The following COMMD5 variants were observed in gnomAD, a reference collection of about 807,000 sequenced individuals.
COMMD5 encodes COMM domain containing 5.
COMMD5 carries 10 observed loss-of-function variants against 6.9 expected under a neutral mutation model. The observed-to-expected ratio is 1.44, with a 90% CI of 0.89 to 2.45. The LOEUF (loss-of-function observed/expected upper bound fraction) is 2.45, where lower values mean the gene tolerates loss of function less well. Ranked by LOEUF, COMMD5 falls within the 30% of genes most tolerant of loss-of-function variation. The pLI, the probability that COMMD5 is intolerant of heterozygous loss-of-function variation, is 0.00. For synonymous variants in COMMD5, 127 were observed against 125.3 expected (o/e 1.01, Z -0.09); for missense variants, 234 against 287.8 (o/e 0.81, Z 1.35).
chr8:144,841,592 C>T lies in COMMD5; in HGVS notation c.*268G>A, dbSNP rs758056602. On this transcript the variant is annotated 3_prime_UTR_variant and NMD_transcript_variant, in exon 2 of 2. Coordinates refer to the COMMD5 transcript ENST00000530332. ...AATGAGGAGACTGTGGTTCCCAAGA[C>T]CTTCACCAAGGACGCACCCCAGGGA... 2.5e-6 allele frequency: 4 copies of T among 1,614,072 alleles called. No individual in the cohort carries two copies. In the African/African-American group the frequency reaches 5.3e-5, roughly 22 times the overall value.
At chr8:144,849,719 G>A (rs1332874851), downstream of COMMD5, among the ~76,000 whole-genome samples, 2 of 152,120 alleles carry the variant, frequency 1.3e-5, no homozygotes, top group African/African-American at 2.4e-5. Context: ...CTGCCCTAGA[G>A]GCACCCGGGA....
chr8:144,842,577 C>A (rs756244783), intron 1 of COMMD5: 1 of 1,614,132 alleles, frequency 6.2e-7, no homozygotes, highest in South Asian at 1.1e-5. Flanking sequence ...ATCAGCGAAT[C>A]CACACTGGAG....
At chr8:144,843,392 A>G (rs778629290) in intron 1 of COMMD5, 5 of 457,366 alleles carry the variant, frequency 1.1e-5, no homozygotes, top group South Asian at 4.2e-5. Flanking sequence ...GGTTGAGACC[A>G]TCCTGGGTAA....
chr8:144,846,340 T>C, downstream of COMMD5: 1 of 670,124 alleles, frequency 1.5e-6, no homozygotes, highest in Non-Finnish European at 2.4e-6. Context: ...CGTAGCTTTT[T>C]ACATTTCTGA....
chr8:144,844,307 C>T lies in COMMD5; in HGVS notation c.*117-2564G>A, dbSNP rs189364548. 7.9e-5 allele frequency among the ~76,000 whole-genome samples: 12 copies of T among 152,342 alleles called. No individual in the cohort carries two copies. The East Asian group carries it at 1.7e-3, about 22-fold the overall frequency. ...TCCATGCCAGCATCTCCAGCACACC[C>T]GTGTGCGCACAGGCCCTGAGGCTGA... On this transcript the variant is annotated intron_variant and NMD_transcript_variant, in intron 1 of 1. Coordinates refer to the COMMD5 transcript ENST00000530332.
chr8:144,841,864 G>C (rs1298256486), intron 1 of COMMD5: 1 of 1,614,112 alleles, frequency 6.2e-7, no homozygotes, highest in Non-Finnish European at 8.5e-7. Flanking sequence ...GTACGAATGT[G>C]CAGAGTGTGG....
At chr8:144,852,797 G>T (rs566700434) in intron 1 of COMMD5, 42 bp downstream of exon 1, 1 of 152,434 alleles carries the variant, frequency 6.6e-6, no homozygotes, top group South Asian at 2.1e-4. Context: ...AGTCAAATTG[G>T]CACTCGGCCG....
chr8:144,851,661 G>A (rs960424099), intron 1 of COMMD5, among the ~76,000 whole-genome samples: 1 of 151,930 alleles, frequency 6.6e-6, no homozygotes, highest in African/African-American at 2.4e-5. Context: ...GGAGGACCAG[G>A]AAACAGCACA....
At chr8:144,838,218 G>A (rs1427493431), downstream of COMMD5, 7 of 692,296 alleles carry the variant, frequency 1.0e-5, 1 homozygote, top group Admixed American at 1.4e-4. Context: ...TGTTCATGTG[G>A]CCATCTCCTT....
At chr8:144,841,210 C>T in exon 2 of COMMD5, 3 of 785,928 alleles carry the variant, frequency 3.8e-6, no homozygotes, top group East Asian at 2.5e-5. Context: ...AAAGGCTCTG[C>T]CTTCTCTTGC....
chr8:144,842,252 G>A, intron 1 of COMMD5: 1 of 1,614,084 alleles, frequency 6.2e-7, no homozygotes, highest in Non-Finnish European at 8.5e-7. Context: ...CAGCATCAAA[G>A]GATGCATACT....
At chr8:144,841,726 G>A in exon 2 of COMMD5, 1 of 1,614,128 alleles carries the variant, frequency 6.2e-7, no homozygotes, top group South Asian at 1.1e-5. Context: ...AGGCATCAGA[G>A]CCACTTCAGA....
chr8:144,843,458 GGCA>G (rs1830258423), intron 1 of COMMD5: 1 of 242,116 alleles, frequency 4.1e-6, no homozygotes, highest in Non-Finnish European at 7.9e-6. Context: ...CGTGGTGGCA[GGCA>G]CCTGTGGTCC....
chr8:144,838,087 T>C, downstream of COMMD5: 2 of 703,028 alleles, frequency 2.8e-6, no homozygotes, highest in Non-Finnish European at 2.6e-6. Context: ...GGAAGGATCC[T>C]GTCCTGCCTC....
At chr8:144,844,737 C>CAAAA (rs1830412636) in intron 1 of COMMD5, among the ~76,000 whole-genome samples, 1 of 93,658 alleles carries the variant, frequency 1.1e-5, no homozygotes, top group African/African-American at 4.3e-5. Context: ...AAAAAAAAAA[C>CAAAA]GAAAATGGGA....
At chr8:144,844,709 C>CAAAAAAAAAAAAAAA (rs71320849) in intron 1 of COMMD5, among the ~76,000 whole-genome samples, 2 of 88,614 alleles carry the variant, frequency 2.3e-5, no homozygotes, top group African/African-American at 8.4e-5. Context: ...GACTCTGTAT[C>CAAAAAAAAAAAAAAA]AAAAAAAAAA....
At chr8:144,845,501 C>G (rs1830462984), downstream of COMMD5, among the ~76,000 whole-genome samples, 1 of 152,142 alleles carries the variant, frequency 6.6e-6, no homozygotes, top group Non-Finnish European at 1.5e-5. Context: ...GTGGCTTGCT[C>G]AAGGCCTGAT....
rs917113257 is a variant in COMMD5, at chr8:144,852,843, G to A, written c.-62C>T. ...CACGGTTCGGGGCCAACCTACCGGCGGGCGCTCCTCCGCGGAAAAGCCCCG... is the reference window on the plus strand; with the variant it reads ...CACGGTTCGGGGCCAACCTACCGGCAGGCGCTCCTCCGCGGAAAAGCCCCG... On this transcript the variant is annotated 5_prime_UTR_variant, in exon 1 of 2. Transcript: ENST00000305103. 1.3e-5 allele frequency: 2 copies of A among 152,270 alleles called. No homozygotes were observed. The highest frequency in any genetic ancestry group is 2.9e-5 in the Non-Finnish European group (2 of 68,068). 9.4% of individuals were successfully genotyped at this position (152,270 alleles called of 1,614,324 possible).
At chr8:144,845,961 G>C (rs535735046), downstream of COMMD5, 143 of 1,535,864 alleles carry the variant, frequency 9.3e-5, no homozygotes, top group African/African-American at 1.9e-3. Context: ...GGTTGCTGTT[G>C]CTTTTTCTCT....
Sources: allele counts gnomAD v4.1 joint callset (sites outside exome capture counted in the v4.1 genomes callset), GRCh38; gene constraint gnomAD v4.1.1; transcripts MANE v1.5; gene names NCBI Gene and HGNC (gene_info 2026-07-23, HGNC 2026-07-21).